KDM4B: variants seen among roughly 807,000 people sequenced by gnomAD.
KDM4B encodes lysine-specific demethylase 4B.
In KDM4B, 32 loss-of-function variants were observed where a neutral mutation model predicts 125.2. The observed-to-expected ratio is 0.26, with a 90% CI of 0.19 to 0.34. The LOEUF (loss-of-function observed/expected upper bound fraction) is 0.34. KDM4B is among the 10% of genes least tolerant of loss of function. The pLI is 1.00. For missense variants in KDM4B, 1,190 were observed against 1,577.7 expected (o/e 0.75, Z 4.16); for synonymous variants, 721 against 677.9 (o/e 1.06, Z -0.99).
intron 16 of KDM4B, 64 bp from the exon 17 acceptor site, chr19:5,137,557 C>T (rs1401309470): frequency 3.3e-6 from 5 of 1,504,172 alleles, no homozygotes; most frequent in Non-Finnish European, 3.6e-6. Flanking sequence ...CAGATCAGGC[C>T]CCAAGCAGTG....
At chr19:5,103,511 C>T (rs935568462) in intron 9 of KDM4B, among the ~76,000 whole-genome samples, 8 of 152,134 alleles carry the variant, frequency 5.3e-5, no homozygotes, top group African/African-American at 1.2e-4. Flanking sequence ...AGGTGACGGC[C>T]GCACTGCTTC....
At chr19:4,981,621 C>T (rs197158) in intron 1 of KDM4B, among the ~76,000 whole-genome samples, 93,439 of 152,014 alleles carry the variant, frequency 0.61, 28,838 homozygotes, top group East Asian at 0.75. Flanking sequence ...CCCACCACGC[C>T]GGGCCCCTTG....
intron 6 of KDM4B, among the ~76,000 whole-genome samples, chr19:5,065,585 T>G (rs2037742553): frequency 6.6e-6 from 1 of 152,186 alleles, no homozygotes; most frequent in Non-Finnish European, 1.5e-5. Context: ...ACCAAGAAAT[T>G]ACACTATTAA....
intron 5 of KDM4B, 149 bp downstream of exon 5, chr19:5,041,400 C>G (rs373929739): frequency 1.7e-6 from 1 of 580,056 alleles, no homozygotes. Flanking sequence ...GGGCCTCGCC[C>G]TGTGGTGACG....
chr19:5,117,861 C>T (rs1040250055), intron 10 of KDM4B, among the ~76,000 whole-genome samples: 2 of 152,186 alleles, frequency 1.3e-5, no homozygotes, highest in African/African-American at 4.8e-5. Context: ...TGCCTTGAGT[C>T]ATTGTGGTGG....
intron 1 of KDM4B, among the ~76,000 whole-genome samples, chr19:4,999,738 TG>T (rs2035310068): frequency 2.5e-5 from 1 of 40,638 alleles, no homozygotes; most frequent in Non-Finnish European, 4.8e-5. Context: ...CCCACCCACC[TG>T]TCCATCTATC....
At chr19:5,080,240 G>A (rs1028895756) in intron 8 of KDM4B, among the ~76,000 whole-genome samples, 3 of 152,246 alleles carry the variant, frequency 2.0e-5, no homozygotes, top group Admixed American at 1.3e-4. Flanking sequence ...TTTGATTGAT[G>A]TCTGACGCCG....
intron 5 of KDM4B, among the ~76,000 whole-genome samples, chr19:5,044,923 G>A (rs73919707): frequency 2.6e-5 from 4 of 152,090 alleles, no homozygotes; most frequent in African/African-American, 9.7e-5. Flanking sequence ...TTCATGGCTT[G>A]AGAGCTCATT....
intron 5 of KDM4B, among the ~76,000 whole-genome samples, chr19:5,046,569 G>A (rs79943252): frequency 0.066 from 9,976 of 152,280 alleles, 353 homozygotes; most frequent in Admixed American, 0.092. Flanking sequence ...CCTCTCAGCA[G>A]GCCATGAGCC....
At chr19:5,031,579 G>A (rs923585138) in intron 2 of KDM4B, among the ~76,000 whole-genome samples, 1 of 152,242 alleles carries the variant, frequency 6.6e-6, no homozygotes, top group African/African-American at 2.4e-5. Context: ...CCAGCGCGGG[G>A]TGTGACGTCA....
At chr19:5,063,650 C>T (rs777808471) in intron 6 of KDM4B, among the ~76,000 whole-genome samples, 44 of 152,338 alleles carry the variant, frequency 2.9e-4, no homozygotes, top group Middle Eastern at 6.8e-3. Context: ...AGCCCAGCAA[C>T]GCAGGCAGGG....
intron 18 of KDM4B, among the ~76,000 whole-genome samples, chr19:5,139,543 C>G (rs1179036423): frequency 6.6e-6 from 1 of 152,252 alleles, no homozygotes; most frequent in African/African-American, 2.4e-5. Context: ...TCCGCACCCC[C>G]CGGGTGCAGG....
At chr19:5,003,475 C>G (rs1331140619) in intron 1 of KDM4B, among the ~76,000 whole-genome samples, 2 of 150,272 alleles carry the variant, frequency 1.3e-5, no homozygotes, top group Non-Finnish European at 3.0e-5. Context: ...GAGCAAGACT[C>G]TGTCTCAAAA....
intron 9 of KDM4B, among the ~76,000 whole-genome samples, chr19:5,095,462 A>G (rs1220640540): frequency 6.6e-6 from 1 of 152,256 alleles, no homozygotes; most frequent in Non-Finnish European, 1.5e-5. Flanking sequence ...AAATCAGGAA[A>G]GGTGGCAGAT....
intron 6 of KDM4B, among the ~76,000 whole-genome samples, chr19:5,053,379 A>G (rs1407000137): frequency 6.6e-6 from 1 of 152,212 alleles, no homozygotes; most frequent in African/African-American, 2.4e-5. Flanking sequence ...TCCCAGCCAC[A>G]CACACTGAGC....
intron 3 of KDM4B, among the ~76,000 whole-genome samples, chr19:5,039,163 C>T (rs2036724402): frequency 6.6e-6 from 1 of 152,198 alleles, no homozygotes; most frequent in Admixed American, 6.5e-5. Context: ...AAATGCCTTA[C>T]CAGGGCGCAG....
intron 1 of KDM4B, among the ~76,000 whole-genome samples, chr19:5,004,035 G>T (rs192132099): frequency 3.5e-4 from 54 of 152,310 alleles, no homozygotes; most frequent in African/African-American, 1.3e-3. Context: ...ATTTTTTAGA[G>T]TTTGTGCATT....
intron 1 of KDM4B, among the ~76,000 whole-genome samples, chr19:4,989,615 A>G (rs2145369524): frequency 6.6e-6 from 1 of 151,970 alleles, no homozygotes; most frequent in South Asian, 2.1e-4. Flanking sequence ...TGCTCGGATT[A>G]CAGGCATGAG....
chr19:5,113,455 C>T (rs2039192365), intron 10 of KDM4B: 1 of 153,866 alleles, frequency 6.5e-6, no homozygotes, highest in Admixed American at 6.5e-5. Context: ...CGGTTCCCCC[C>T]TGAGCAGTGC....
Sources: gnomAD v4.1 joint callset for allele counts (sites outside exome capture counted in the v4.1 genomes callset) on GRCh38, gnomAD v4.1.1 for gene constraint, MANE v1.5 for transcripts, NCBI Gene and HGNC (gene_info 2026-07-23, HGNC 2026-07-21) for gene names.